PIH1D1: variants seen among roughly 807,000 people sequenced by gnomAD.
The protein encoded by PIH1D1 is PIH1 domain-containing protein 1.
A neutral mutation model predicts 38.5 loss-of-function variants in PIH1D1; 28 were observed. That is an observed-to-expected ratio of 0.73 (90% CI 0.54 to 1.00). The LOEUF is 1.00. Ranked by LOEUF, PIH1D1 falls within the 50% of genes least tolerant of loss-of-function variation. The pLI, the probability that PIH1D1 is intolerant of heterozygous loss-of-function variation, is 0.00. For missense variants in PIH1D1, 343 were observed against 369.9 expected (o/e 0.93, Z 0.60); for synonymous variants, 155 against 153.5 (o/e 1.01, Z -0.07).
chr19:49,447,857 C>A lies in PIH1D1; in HGVS notation c.451G>T (p.Glu151Ter). ...TTCAGCTGCAAGTTGTATTTGTCCT[C>A]AAGGCCCTCCCTGGCGATGGTGATC... ...LVITIAREGL[E>*]DKYNLQLNPE... The change falls in exon 5 of 9, where the codon GAG becomes TAG. Residue 151 changes from glutamate to a stop codon, truncating the protein, a stop_gained. Transcript: ENST00000262265. LOFTEE classifies it high-confidence loss of function. 6.2e-7 allele frequency: 1 copy of A among 1,614,198 alleles called. No individual in the cohort carries two copies.
intron 1 of PIH1D1, 196 bp downstream of exon 1, chr19:49,451,289 A>G: frequency 1.5e-6 from 1 of 666,996 alleles, no homozygotes; most frequent in Non-Finnish European, 2.4e-6. Context: ...TCGGCCTCCC[A>G]AAGTGGTGGG....
chr19:49,446,672 A>C lies in PIH1D1; in HGVS notation c.710T>G (p.Leu237Arg). The change falls in exon 8 of 9, where the codon CTG becomes CGG. Residue 237 changes from leucine to arginine, a missense_variant. Coordinates refer to ENST00000262265, the MANE Select transcript of PIH1D1 (RefSeq NM_017916.3). Reference protein sequence around the residue: ...PKLDGALGLSLEIGENRLVMG... With the variant: ...PKLDGALGLSREIGENRLVMG... ...CACCAGGCGGTTCTCCCCGATCTCC[A>C]GCGACAGCCCCAGGGCTCCATCCTG... 1 of 1,581,110 alleles carries C rather than the reference A, an allele frequency of 6.3e-7. No homozygotes were observed. Among genetic ancestry groups the C allele is most frequent in the Non-Finnish European group, 8.6e-7 (1 of 1,163,698 alleles).
chr19:49,447,264 G>C (rs2079029153), intron 6 of PIH1D1, 74 bp downstream of exon 6: 1 of 1,586,322 alleles, frequency 6.3e-7, no homozygotes, highest in Admixed American at 1.7e-5. Flanking sequence ...ACATCACCCA[G>C]TGTGGGAGGA....
chr19:49,451,333 A>T, intron 1 of PIH1D1, 152 bp downstream of exon 1: 1 of 1,114,452 alleles, frequency 9.0e-7, no homozygotes, highest in Non-Finnish European at 1.3e-6. Context: ...CCGGCCCCCC[A>T]CTCCCATTTC....
rs1193479720 is a variant in PIH1D1, at chr19:49,447,328, G to A, written c.611+10C>T. ...GGAAACATCAGACCGGGGATCTACCGAAGGCCCACCCTGACTCAGCTCTCC... is the reference window on the plus strand; with the variant it reads ...GGAAACATCAGACCGGGGATCTACCAAAGGCCCACCCTGACTCAGCTCTCC... On this transcript the variant is annotated intron_variant, in intron 6 of 8. Coordinates refer to ENST00000262265, the MANE Select transcript of PIH1D1 (RefSeq NM_017916.3). 2 of 1,613,698 alleles carry A rather than the reference G, an allele frequency of 1.2e-6. No individual in the cohort carries two copies. Among genetic ancestry groups the A allele is most frequent in the South Asian group, 1.1e-5 (1 of 91,068 alleles).
chr19:49,447,781 G>T, intron 5 of PIH1D1, 46 bp downstream of exon 5: 1 of 1,584,126 alleles, frequency 6.3e-7, no homozygotes, highest in Non-Finnish European at 8.7e-7. Flanking sequence ...TCCCCAAACC[G>T]CTCCTGGCTC....
chr19:49,446,437 G>T lies in PIH1D1; in HGVS notation c.832-14C>A, dbSNP rs763665002. Reference sequence around the variant, plus strand: ...CACCATTAATTGCTGAGGAGACAGAGCAAAGAGAATGAGGATCCAGGACCC... The same window carrying T: ...CACCATTAATTGCTGAGGAGACAGATCAAAGAGAATGAGGATCCAGGACCC... On this transcript the variant is annotated splice_polypyrimidine_tract_variant and intron_variant, in intron 8 of 8. Transcript: ENST00000262265. The T allele has an allele frequency of 6.2e-6, 7 of 1,120,782 alleles. No homozygotes were observed. In the Admixed American group the frequency reaches 8.4e-5, roughly 13 times the overall value. 69.4% of individuals were successfully genotyped at this position (1,120,782 alleles called of 1,614,324 possible). A position where few individuals can be genotyped will look rare whatever the true frequency, so the allele number is the denominator to read the frequency against.
chr19:49,450,079 CTCT>C (rs1184045189), intron 2 of PIH1D1, among the ~76,000 whole-genome samples: 1 of 151,438 alleles, frequency 6.6e-6, no homozygotes, highest in East Asian at 1.9e-4. Flanking sequence ...CCGGCCCCCT[CTCT>C]TCTTTGTTTT....
rs2079062886 is a variant in PIH1D1, at chr19:49,451,779, C to T, written c.-205G>A. 1.4e-6 allele frequency: 2 copies of T among 1,385,438 alleles called. No homozygotes were observed. Among genetic ancestry groups the T allele is most frequent in the South Asian group, 1.6e-5 (1 of 63,182 alleles). 85.8% of individuals were successfully genotyped at this position (1,385,438 alleles called of 1,614,324 possible). A position where few individuals can be genotyped will look rare whatever the true frequency, so the allele number is the denominator to read the frequency against. Reference sequence around the variant, plus strand: ...TCCGTGGGGAATATGTGTCTCTAGACGCACTACCCTCCGTCCTACGTGCCG... The same window carrying T: ...TCCGTGGGGAATATGTGTCTCTAGATGCACTACCCTCCGTCCTACGTGCCG... On this transcript the variant is annotated 5_prime_UTR_variant, in exon 1 of 9. Coordinates refer to ENST00000262265, the MANE Select transcript of PIH1D1 (RefSeq NM_017916.3).
chr19:49,447,399 G>A lies in PIH1D1; in HGVS notation c.550C>T (p.Arg184Cys), dbSNP rs529557970. 1.2e-6 allele frequency: 2 copies of A among 1,613,358 alleles called. No homozygotes were observed. The highest frequency in any genetic ancestry group is 1.1e-5 in the South Asian group (1 of 91,082). ...TCCCCCAGCTCCTGGATCCGAGGACGCTGCTCCGAGCGGATGTTCTGCTGC... is the reference window on the plus strand; with the variant it reads ...TCCCCCAGCTCCTGGATCCGAGGACACTGCTCCGAGCGGATGTTCTGCTGC... ...ISQQNIRSEQRPRIQELGDLY... is the reference protein window; with the variant it reads ...ISQQNIRSEQCPRIQELGDLY... The change falls in exon 6 of 9, where the codon CGT becomes TGT. Residue 184 changes from arginine (R) to cysteine (C), a missense_variant. By Grantham distance (180) the Arg-to-Cys change is radical. Transcript: ENST00000262265.
chr19:49,450,726 T>TAA lies in PIH1D1; in HGVS notation c.157+55_157+56insTT, dbSNP rs2079053297. ...ATTTTCGTGTCTCTTTCCTTCCTCC[T>TAA]CTCTCTGTCCTCTCCCTGGGTCTCC... On this transcript the variant is annotated intron_variant, in intron 2 of 8. Coordinates refer to ENST00000262265, the MANE Select transcript of PIH1D1 (RefSeq NM_017916.3). The TAA allele has an allele frequency of 4.3e-6, 3 of 700,422 alleles. No homozygotes were observed. The African/African-American group carries it at 6.7e-5, about 16-fold the overall frequency. The allele number at this position is 700,422 out of a possible 1,614,324, so 43.4% of individuals were successfully genotyped here. A position where few individuals can be genotyped will look rare whatever the true frequency, so the allele number is the denominator to read the frequency against.
chr19:49,446,866 C>T lies in PIH1D1; in HGVS notation c.687+158G>A, dbSNP rs1319861093. Reference sequence around the variant, plus strand: ...GACCGAGCACTTACAATCCCTTGGGCGCCCTCAGGACAGCACCAGAAGGTG... The same window carrying T: ...GACCGAGCACTTACAATCCCTTGGGTGCCCTCAGGACAGCACCAGAAGGTG... On this transcript the variant is annotated intron_variant, in intron 7 of 8. Transcript: ENST00000262265. 18 of 1,063,392 alleles carry T rather than the reference C, an allele frequency of 1.7e-5. No individual in the cohort carries two copies. In the East Asian group the frequency reaches 2.4e-4, roughly 14 times the overall value. The allele number at this position is 1,063,392 out of a possible 1,614,324, so 65.9% of individuals were successfully genotyped here.
In PIH1D1 at chr19:49,446,421, T is replaced by C. The variant is rs771345038; in HGVS notation, c.834A>G (p.Gln278=). Residue 278 remains glutamine, a splice_region_variant and synonymous_variant, in exon 9 of 9, where the codon CAA becomes CAG. Transcript: ENST00000262265. The part of the protein sequence containing the change: ...SKAAFHRKRK[Q]LMVAMPLLPV... ...GCAGAAGCGGCATGGCCACCATTAA[T>C]TGCTGAGGAGACAGAGCAAAGAGAA... The C allele has an allele frequency of 7.0e-6, 7 of 995,942 alleles. No individual in the cohort carries two copies. The highest frequency in any genetic ancestry group is 4.7e-5 in the African/African-American group (3 of 63,274). The allele number at this position is 995,942 out of a possible 1,614,324, so 61.7% of individuals were successfully genotyped here.
rs771812505 is a variant in PIH1D1 at position 49,447,926 on chromosome 19, G to A, written c.400-18C>T. 1.9e-6 allele frequency: 3 copies of A among 1,613,896 alleles called. No homozygotes were observed. Among genetic ancestry groups the A allele is most frequent in the Non-Finnish European group, 2.5e-6 (3 of 1,179,948 alleles). ...TCGCTGTTCTGGGGTGACAGAGAGG[G>A]AAAAGACAGGCGGTGGCGGGGAGGG... On this transcript the variant is annotated intron_variant, in intron 4 of 8. Coordinates refer to ENST00000262265, the MANE Select transcript of PIH1D1 (RefSeq NM_017916.3).
In PIH1D1 at chr19:49,447,109, A is replaced by G. The variant is rs749891670; in HGVS notation, c.612-10T>C. 2 of 1,608,010 alleles carry G rather than the reference A, an allele frequency of 1.2e-6. No homozygotes were observed. Among genetic ancestry groups the G allele is most frequent in the Admixed American group, 1.7e-5 (1 of 58,604 alleles). ...GTGAGGCTTTTCAGGCCTGAGGAGG[A>G]ACAAGGTCCAGGGCTGAGCACAGCT... On this transcript the variant is annotated splice_polypyrimidine_tract_variant and intron_variant, in intron 6 of 8. Transcript: ENST00000262265.
intron 2 of PIH1D1, 92 bp downstream of exon 2, chr19:49,450,690 C>CCCCCCG: frequency 1.4e-6 from 1 of 690,734 alleles, no homozygotes; most frequent in Non-Finnish European, 2.3e-6. Context: ...CCACCCCCAC[C>CCCCCCG]CTAGGCCTTT....
In PIH1D1 at chr19:49,451,713, T is replaced by C; in HGVS notation, c.-139A>G. 14 of 1,448,018 alleles carry C rather than the reference T, an allele frequency of 9.7e-6. No homozygotes were observed. Among genetic ancestry groups the C allele is most frequent in the Non-Finnish European group, 1.3e-5 (14 of 1,101,914 alleles). 89.7% of individuals were successfully genotyped at this position (1,448,018 alleles called of 1,614,324 possible). A position where few individuals can be genotyped will look rare whatever the true frequency, so the allele number is the denominator to read the frequency against. On this transcript the variant is annotated 5_prime_UTR_variant, in exon 1 of 9. Transcript: ENST00000262265. ...CCTGTTCAAAAACCTAAGACTGGCC[T>C]AAGACTACATTTCCATTCAAGACCG...
intron 7 of PIH1D1, 151 bp from the exon 8 acceptor site, chr19:49,446,845 G>A (rs926805459): frequency 9.6e-5 from 107 of 1,115,774 alleles, no homozygotes; most frequent in South Asian, 2.5e-4. Flanking sequence ...CTCAACGACC[G>A]AGCACTTACA....
At chr19:49,447,946 G>A in intron 4 of PIH1D1, 38 bp from the exon 5 acceptor site, 1 of 1,613,354 alleles carries the variant, frequency 6.2e-7, no homozygotes, top group Non-Finnish European at 8.5e-7. Context: ...GCGGTGGCGG[G>A]GAGGGTAGGG....
Sources: gnomAD v4.1 joint callset for allele counts (sites outside exome capture counted in the v4.1 genomes callset) on GRCh38, gnomAD v4.1.1 for gene constraint, MANE v1.5 for transcripts, NCBI Gene and HGNC (gene_info 2026-07-23, HGNC 2026-07-21) for gene names.